THSD4: variants seen among roughly 807,000 people sequenced by gnomAD.
The protein encoded by THSD4 is thrombospondin type 1 domain containing 4, also known as thrombospondin type-1 domain-containing protein 4.
A neutral mutation model predicts 119.0 loss-of-function variants in THSD4; 69 were observed. The ratio of observed to expected loss-of-function variants is 0.58; its 90% CI spans 0.48 to 0.71. THSD4 has a LOEUF of 0.71. THSD4 is among the 30% of genes least tolerant of loss of function. THSD4 has a pLI of 0.00. For missense variants in THSD4, 1,393 were observed against 1,391.1 expected (o/e 1.00, Z -0.02); for synonymous variants, 524 against 540.4 (o/e 0.97, Z 0.42).
rs368495078 is a variant in THSD4, at chr15:71,341,551, C to T, written c.1016-70136C>T. ...AATGTCGGAATGGTACACACTGTTT[C>T]TGTAAAGTGACATCTTTCAGATACT... On this transcript the variant is annotated intron_variant, in intron 6 of 17. Transcript: ENST00000261862. 50 of 1,609,690 alleles carry T rather than the reference C, an allele frequency of 3.1e-5. No individual in the cohort carries two copies. In the African/African-American group the frequency reaches 5.2e-4, roughly 17 times the overall value.
Position 71,534,565 on chromosome 15 carries a change from C to T in THSD4, c.1152+122742C>T, listed in dbSNP as rs138103344. On this transcript the variant is annotated intron_variant, in intron 7 of 17. Coordinates refer to ENST00000261862, the MANE Select transcript of THSD4 (RefSeq NM_024817.3). ...TTTGTTTTGTTACTATATTTTTCTG[C>T]TCACTGTAAAAACAATTAGAAAATA... 3.9e-3 allele frequency among the ~76,000 whole-genome samples: 598 copies of T among 152,186 alleles called. 4 individuals carry two copies. Among genetic ancestry groups the T allele is most frequent in the South Asian group, 0.015 (71 of 4,814 alleles).
intron 7 of THSD4, among the ~76,000 whole-genome samples, chr15:71,519,535 T>TA (rs769541683): frequency 6.6e-6 from 1 of 152,144 alleles, no homozygotes; most frequent in Non-Finnish European, 1.5e-5. Context: ...CTAATTTTTG[T>TA]ATTTTTAATA....
chr15:71,127,758 G>A (rs375536368), intron 1 of THSD4, among the ~76,000 whole-genome samples: 1 of 151,872 alleles, frequency 6.6e-6, no homozygotes, highest in Non-Finnish European at 1.5e-5. Flanking sequence ...TCTTTAATTG[G>A]GTTTTTTATT....
At chr15:71,707,344 C>A (rs2052413347) in intron 8 of THSD4, among the ~76,000 whole-genome samples, 1 of 152,202 alleles carries the variant, frequency 6.6e-6, no homozygotes, top group African/African-American at 2.4e-5. Context: ...CTTTTGAAGA[C>A]AGATTAGAAT....
Position 71,619,821 on chromosome 15 carries a change from A to AT in THSD4, c.1153-40704dup, listed in dbSNP as rs2050390055. Among the ~76,000 whole-genome samples, 4 of 152,166 alleles carry AT rather than the reference A, an allele frequency of 2.6e-5. No homozygotes were observed. The South Asian group carries it at 6.2e-4, about 24-fold the overall frequency. ...GAGGTCTGTCTGACAGTAACAGTTC[A>AT]TTTTTCCAACTAATTCAACTGATAC... On this transcript the variant is annotated intron_variant, in intron 7 of 17. Coordinates refer to ENST00000261862, the MANE Select transcript of THSD4 (RefSeq NM_024817.3).
intron 3 of THSD4, among the ~76,000 whole-genome samples, chr15:71,156,338 A>G (rs2040777040): frequency 6.6e-6 from 1 of 151,240 alleles, no homozygotes; most frequent in South Asian, 2.1e-4. Context: ...GCTCACTGCA[A>G]CCTCCGCCTC....
chr15:71,290,829 A>G (rs1198053593), intron 6 of THSD4, among the ~76,000 whole-genome samples: 1 of 150,770 alleles, frequency 6.6e-6, no homozygotes, highest in African/African-American at 2.4e-5. Flanking sequence ...TTTAACATGT[A>G]TAGTCACATT....
At chr15:71,365,106 G>A (rs11639481) in intron 6 of THSD4, among the ~76,000 whole-genome samples, 42,788 of 148,424 alleles carry the variant, frequency 0.29, 7,631 homozygotes, top group Middle Eastern at 0.41. Flanking sequence ...TGTAGTTCAC[G>A]AAAATATATC....
At chr15:71,621,695 G>A (rs1367340486) in intron 7 of THSD4, among the ~76,000 whole-genome samples, 2 of 152,172 alleles carry the variant, frequency 1.3e-5, no homozygotes, top group Non-Finnish European at 1.5e-5. Flanking sequence ...ATTCATTGAT[G>A]GCTGAAAACG....
intron 7 of THSD4, among the ~76,000 whole-genome samples, chr15:71,438,777 G>A (rs2047049803): frequency 6.6e-6 from 1 of 152,218 alleles, no homozygotes. Context: ...TGTTTGAAGT[G>A]ATGAAAGGTA....
chr15:71,607,899 T>G (rs1368756346), intron 7 of THSD4, among the ~76,000 whole-genome samples: 3 of 152,168 alleles, frequency 2.0e-5, no homozygotes, highest in African/African-American at 7.2e-5. Context: ...TCATATTGTT[T>G]CAGTGTAGTT....
chr15:71,145,931 A>G (rs565348100), intron 2 of THSD4, among the ~76,000 whole-genome samples: 1 of 152,302 alleles, frequency 6.6e-6, no homozygotes, highest in South Asian at 2.1e-4. Context: ...GATCACAAGT[A>G]TTAAACTTCA....
intron 5 of THSD4, among the ~76,000 whole-genome samples, chr15:71,250,182 C>T (rs1050093701): frequency 3.3e-5 from 5 of 152,196 alleles, no homozygotes; most frequent in African/African-American, 1.2e-4. Context: ...CAACACCTCA[C>T]ACATGGAGCG....
intron 7 of THSD4, among the ~76,000 whole-genome samples, chr15:71,608,286 A>G (rs2050156226): frequency 6.7e-6 from 1 of 149,488 alleles, no homozygotes; most frequent in African/African-American, 2.5e-5. Flanking sequence ...ACACACACTC[A>G]TTGTAGAAAA....
At chr15:71,502,295 C>T (rs2048123443) in intron 7 of THSD4, among the ~76,000 whole-genome samples, 1 of 152,094 alleles carries the variant, frequency 6.6e-6, no homozygotes, top group Non-Finnish European at 1.5e-5. Flanking sequence ...TTAAAAATGC[C>T]TCTCAACACT....
intron 8 of THSD4, among the ~76,000 whole-genome samples, chr15:71,707,507 C>T (rs1481697495): frequency 6.6e-6 from 1 of 152,176 alleles, no homozygotes; most frequent in African/African-American, 2.4e-5. Context: ...AGGCAACTAA[C>T]CACTTTATTC....
chr15:71,545,023 G>C (rs776108748), intron 7 of THSD4, among the ~76,000 whole-genome samples: 2 of 152,270 alleles, frequency 1.3e-5, no homozygotes, highest in South Asian at 2.1e-4. Flanking sequence ...AAATGGAGAG[G>C]TAGTGTTCAG....
intron 7 of THSD4, among the ~76,000 whole-genome samples, chr15:71,554,708 T>TA (rs1261948491): frequency 7.3e-6 from 1 of 137,030 alleles, no homozygotes; most frequent in Non-Finnish European, 1.6e-5. Flanking sequence ...TGAAACAGTT[T>TA]AAACAACCAA....
At chr15:71,501,187 A>G (rs72735328) in intron 7 of THSD4, among the ~76,000 whole-genome samples, 21,225 of 152,206 alleles carry the variant, frequency 0.14, 1,750 homozygotes, top group Non-Finnish European at 0.18. Flanking sequence ...GTGAAAAAAA[A>G]TCCACCAAAG....
Sources: gnomAD v4.1 joint callset for allele counts (sites outside exome capture counted in the v4.1 genomes callset) on GRCh38, gnomAD v4.1.1 for gene constraint, MANE v1.5 for transcripts, NCBI Gene and HGNC (gene_info 2026-07-23, HGNC 2026-07-21) for gene names.